Variants in PTPRG observed in about 807,000 individuals in gnomAD.
PTPRG encodes the protein receptor-type tyrosine-protein phosphatase gamma.
PTPRG carries 102 observed loss-of-function variants against 165.3 expected under a neutral mutation model. The ratio of observed to expected loss-of-function variants is 0.62; its 90% CI spans 0.53 to 0.73. The LOEUF (loss-of-function observed/expected upper bound fraction) is 0.73, where lower values mean the gene tolerates loss of function less well. Ranked by LOEUF, PTPRG falls within the 30% of genes least tolerant of loss-of-function variation. The probability of loss-of-function intolerance (pLI) is 0.00; values close to 1 mark genes in which losing one functional copy is unlikely to be tolerated. For missense variants in PTPRG, 1,866 were observed against 1,861.4 expected, an observed-to-expected ratio of 1.00 and a Z score of -0.05; for synonymous variants, 675 against 669.5, an observed-to-expected ratio of 1.01 and a Z score of -0.13.
intron 4 of PTPRG, among the ~76,000 whole-genome samples, chr3:62,022,968 T>C (rs2041731841): frequency 6.6e-6 from 1 of 152,150 alleles, no homozygotes; most frequent in Admixed American, 6.6e-5. Flanking sequence ...AATTGTCTTA[T>C]TGCGTGTTTA....
chr3:62,151,416 A>G (rs1401476246), intron 6 of PTPRG, among the ~76,000 whole-genome samples: 1 of 152,198 alleles, frequency 6.6e-6, no homozygotes, highest in African/African-American at 2.4e-5. Context: ...GGTGAAATGT[A>G]GACTACTTAA....
chr3:61,835,025 A>C (rs1219938675), intron 2 of PTPRG, among the ~76,000 whole-genome samples: 1 of 152,164 alleles, frequency 6.6e-6, no homozygotes, highest in Non-Finnish European at 1.5e-5. Flanking sequence ...TGTGTTTTCT[A>C]TCTGAAATTC....
chr3:61,654,092 G>A lies in PTPRG; in HGVS notation c.85+91720G>A, dbSNP rs993486552. ...CTTTGACAAATTACCTAATCTCTTC[G>A]GACCTCAGTTTACTCTTGTGCCTTA... On this transcript the variant is annotated intron_variant, in intron 1 of 29. Coordinates refer to ENST00000474889, the MANE Select transcript of PTPRG (RefSeq NM_002841.4). 3.9e-5 allele frequency among the ~76,000 whole-genome samples: 6 copies of A among 152,166 alleles called. No homozygotes were observed. The East Asian group carries it at 5.8e-4, about 15-fold the overall frequency.
At chr3:62,154,467 A>C (rs1414050789) in intron 6 of PTPRG, among the ~76,000 whole-genome samples, 1 of 152,150 alleles carries the variant, frequency 6.6e-6, no homozygotes, top group Non-Finnish European at 1.5e-5. Context: ...GGTCACACGC[A>C]CTTTCCATCA....
At position 62,231,268 on chromosome 3, in the gene PTPRG, C is replaced by T. The variant is rs773451436; in HGVS notation, c.2332C>T (p.Arg778Cys). The T allele has an allele frequency of 1.0e-5, 16 of 1,594,186 alleles. No homozygotes were observed. Among genetic ancestry groups the T allele is most frequent in the East Asian group, 9.2e-5 (4 of 43,496 alleles). The change falls in exon 14 of 30, where the codon CGT becomes TGT. Residue 778 changes from arginine (R) to cysteine (C), a missense_variant. Transcript: ENST00000474889. ...IKSKGFPRRF[R>C]EVPSSGERGE... ...GTCCAAGGGCTTTCCCAGACGTTTCCGTGAAGTGCCTTCTTCTGGGGAGAG... is the reference window on the plus strand; with the variant it reads ...GTCCAAGGGCTTTCCCAGACGTTTCTGTGAAGTGCCTTCTTCTGGGGAGAG...
intron 5 of PTPRG, among the ~76,000 whole-genome samples, chr3:62,129,494 G>T (rs922850071): frequency 1.3e-5 from 2 of 152,158 alleles, no homozygotes; most frequent in Non-Finnish European, 1.5e-5. Context: ...CATCTGGCAA[G>T]GCTTTCTTGC....
chr3:61,922,079 C>G (rs890984045), intron 2 of PTPRG, among the ~76,000 whole-genome samples: 2 of 152,182 alleles, frequency 1.3e-5, no homozygotes, highest in Non-Finnish European at 1.5e-5. Context: ...TGTTGAGTTT[C>G]CTTCTGCAGG....
chr3:61,926,603 C>CCCTCCCTCCTTCCTTCCTT, intron 2 of PTPRG, among the ~76,000 whole-genome samples: 1 of 131,634 alleles, frequency 7.6e-6, no homozygotes, highest in East Asian at 2.5e-4. Flanking sequence ...CTCCCTCCCT[C>CCCTCCCTCCTTCCTTCCTT]CCTCCCTCCT....
At chr3:62,249,617 CT>C (rs1701365490) in intron 15 of PTPRG, among the ~76,000 whole-genome samples, 1 of 152,132 alleles carries the variant, frequency 6.6e-6, no homozygotes, top group African/African-American at 2.4e-5. Context: ...TACTCACACA[CT>C]TCCAGAGTAA....
chr3:62,253,087 C>A (rs1293311792), intron 15 of PTPRG, among the ~76,000 whole-genome samples: 1 of 152,126 alleles, frequency 6.6e-6, no homozygotes, highest in South Asian at 2.1e-4. Context: ...TACAGTTGAG[C>A]ACTTTGCAGA....
chr3:61,998,938 A>G (rs767192816), intron 3 of PTPRG, among the ~76,000 whole-genome samples: 1 of 152,220 alleles, frequency 6.6e-6, no homozygotes, highest in Non-Finnish European at 1.5e-5. Context: ...CTGGAGGTCC[A>G]AGATTAAGGC....
In PTPRG at chr3:62,282,792, A is replaced by T; in HGVS notation, c.3978A>T (p.Ile1326=). 1 of 1,612,652 alleles carries T rather than the reference A, an allele frequency of 6.2e-7. No individual in the cohort carries two copies. Among genetic ancestry groups the T allele is most frequent in the South Asian group, 1.1e-5 (1 of 90,902 alleles). ...CPKWPNPDAP[I]SSTFELINVI... ...AATGGCCTAACCCAGATGCCCCCAT[A>T]AGTAGTACCTTTGAACTTATCAACG... Residue 1326 remains isoleucine, a synonymous_variant, in exon 28 of 30, where the codon ATA becomes ATT. Transcript: ENST00000474889.
intron 5 of PTPRG, among the ~76,000 whole-genome samples, chr3:62,089,686 C>T (rs998207966): frequency 1.3e-5 from 2 of 152,176 alleles, no homozygotes; most frequent in Non-Finnish European, 2.9e-5. Flanking sequence ...TGCATTCACT[C>T]ACCTCAACAA....
chr3:61,719,836 C>CAATTACAAAA (rs2031974891), intron 1 of PTPRG, among the ~76,000 whole-genome samples: 1 of 152,120 alleles, frequency 6.6e-6, no homozygotes. Flanking sequence ...CACCCTTGTG[C>CAATTACAAAA]CTCACTGTTT....
chr3:61,570,022 C>T (rs1485229022), intron 1 of PTPRG, among the ~76,000 whole-genome samples: 1 of 152,168 alleles, frequency 6.6e-6, no homozygotes, highest in Non-Finnish European at 1.5e-5. Context: ...ATGTTAATTC[C>T]TCTTCTCAGG....
At chr3:61,978,975 G>A (rs2040572948) in intron 2 of PTPRG, among the ~76,000 whole-genome samples, 4 of 152,186 alleles carry the variant, frequency 2.6e-5, no homozygotes, top group Admixed American at 2.0e-4. Context: ...CTGAGCCTCA[G>A]TTTCATTATC....
At chr3:62,137,490 C>CT (rs2106940422) in intron 6 of PTPRG, among the ~76,000 whole-genome samples, 1 of 152,208 alleles carries the variant, frequency 6.6e-6, no homozygotes, top group East Asian at 1.9e-4. Flanking sequence ...TGTGGTCAGG[C>CT]GTGGTCATGG....
chr3:61,972,310 G>A (rs903155883), intron 2 of PTPRG, among the ~76,000 whole-genome samples: 4 of 152,214 alleles, frequency 2.6e-5, no homozygotes, highest in African/African-American at 9.7e-5. Flanking sequence ...TGTGATCAGG[G>A]AGGTAAATTT....
chr3:62,073,656 A>G (rs112316980), intron 4 of PTPRG, among the ~76,000 whole-genome samples: 7,529 of 152,024 alleles, frequency 0.05, 620 homozygotes, highest in African/African-American at 0.17. Flanking sequence ...TAATTTTTGT[A>G]TTTTTGTAGA....
Sources: allele counts gnomAD v4.1 joint callset (sites outside exome capture counted in the v4.1 genomes callset), GRCh38; gene constraint gnomAD v4.1.1; transcripts MANE v1.5; gene names NCBI Gene and HGNC (gene_info 2026-07-23, HGNC 2026-07-21).